The following NGEF variants were observed in gnomAD, a reference collection of about 807,000 sequenced individuals.
NGEF encodes ephexin-1.
NGEF carries 31 observed loss-of-function variants against 80.9 expected under a neutral mutation model. That is an observed-to-expected ratio of 0.38 (90% CI 0.29 to 0.52). The LOEUF is 0.52. Ranked by LOEUF, NGEF falls within the 20% of genes least tolerant of loss-of-function variation. NGEF has a pLI of 0.84. For missense variants in NGEF, 709 were observed against 926.2 expected (o/e 0.77, Z 3.04); for synonymous variants, 371 against 370.2 (o/e 1.00, Z -0.03).
At chr2:232,923,557 G>A (rs1200901131) in intron 4 of NGEF, among the ~76,000 whole-genome samples, 2 of 152,012 alleles carry the variant, frequency 1.3e-5, no homozygotes, top group African/African-American at 4.8e-5. Context: ...GCAACATGGG[G>A]AAATCCTGTC....
At chr2:232,993,167 T>TG (rs1491228507) in intron 1 of NGEF, among the ~76,000 whole-genome samples, 2 of 50,364 alleles carry the variant, frequency 4.0e-5, no homozygotes, top group South Asian at 8.2e-4. Context: ...ATATATATAT[T>TG]ATATATATAA....
intron 5 of NGEF, among the ~76,000 whole-genome samples, chr2:232,917,462 TA>T (rs1692829664): frequency 6.7e-6 from 1 of 149,270 alleles, no homozygotes; most frequent in Non-Finnish European, 1.5e-5. Context: ...TATTTAATTG[TA>T]AAACTTTTCT....
At chr2:232,929,659 T>A (rs1693179441) in intron 3 of NGEF, among the ~76,000 whole-genome samples, 1 of 152,176 alleles carries the variant, frequency 6.6e-6, no homozygotes, top group African/African-American at 2.4e-5. Flanking sequence ...GACCCAGGTA[T>A]CTCCAGGCAG....
chr2:232,953,010 CAA>C (rs1469093847), intron 3 of NGEF, among the ~76,000 whole-genome samples: 7 of 113,220 alleles, frequency 6.2e-5, no homozygotes, highest in African/African-American at 2.3e-4. Context: ...AACAAAAAAG[CAA>C]AGTGATTGGG....
intron 3 of NGEF, among the ~76,000 whole-genome samples, chr2:232,956,113 T>C (rs796878521): frequency 2.9e-4 from 44 of 152,202 alleles, no homozygotes; most frequent in African/African-American, 9.9e-4. Flanking sequence ...TCCTTGTAAA[T>C]ATGAGGTAAT....
intron 3 of NGEF, among the ~76,000 whole-genome samples, chr2:232,929,588 C>T (rs964964631): frequency 2.0e-5 from 3 of 152,170 alleles, no homozygotes; most frequent in African/African-American, 7.2e-5. Context: ...TGAGAATATT[C>T]GAGACAACCA....
In NGEF at chr2:232,974,887, C is replaced by T. The variant is rs1170690124; in HGVS notation, c.4G>A (p.Glu2Lys). 1.9e-6 allele frequency: 3 copies of T among 1,612,706 alleles called. No individual in the cohort carries two copies. The highest frequency in any genetic ancestry group is 2.5e-6 in the Non-Finnish European group (3 of 1,179,686). M[E>K]TRESEDLEKT... ...TCCAAATCTTCAGATTCCCTGGTCT[C>T]CATGGAAATAGAGCCAGATGTTTCT... The change falls in exon 2 of 15, where the codon GAG (glutamate) becomes AAG (lysine). Residue 2 changes from glutamate to lysine, a missense_variant. Glu to Lys is a moderately conservative substitution (Grantham distance 56). This residue lies in a region of NGEF where 283 missense variants were observed against 303.4 expected (regional missense o/e 0.93). Coordinates refer to ENST00000264051, the MANE Select transcript of NGEF (RefSeq NM_019850.3).
intron 5 of NGEF, among the ~76,000 whole-genome samples, chr2:232,906,849 C>G (rs955409472): frequency 2.6e-5 from 4 of 151,786 alleles, no homozygotes; most frequent in African/African-American, 9.7e-5. Flanking sequence ...AAAAATTCTT[C>G]TGCCTTGGGA....
At chr2:232,909,492 G>A (rs192861060) in intron 5 of NGEF, among the ~76,000 whole-genome samples, 2 of 151,970 alleles carry the variant, frequency 1.3e-5, no homozygotes, top group East Asian at 3.9e-4. Context: ...TTTTTTGGAG[G>A]GGGTAACACT....
At position 232,895,198 on chromosome 2, in the gene NGEF, T is replaced by C. The variant is rs886318216; in HGVS notation, c.829-282A>G. ...CACTTACCATACTGACAACTGGAGA[T>C]AGCCTAAGATCCAAAATATGAAACA... On this transcript the variant is annotated intron_variant, in intron 5 of 14. Coordinates refer to ENST00000264051, the MANE Select transcript of NGEF (RefSeq NM_019850.3). Among the ~76,000 whole-genome samples, 25 of 152,106 alleles carry C rather than the reference T, an allele frequency of 1.6e-4. 1 individual carries two copies. Among genetic ancestry groups the C allele is most frequent in the Non-Finnish European group, 1.5e-4 (10 of 68,004 alleles).
At chr2:232,990,109 G>A (rs1694621760) in intron 1 of NGEF, among the ~76,000 whole-genome samples, 1 of 152,106 alleles carries the variant, frequency 6.6e-6, no homozygotes. Context: ...CAGGAAGAAA[G>A]CTAAAGTAAT....
intron 5 of NGEF, 72 bp downstream of exon 5, chr2:232,920,212 A>T: frequency 6.9e-7 from 1 of 1,459,316 alleles, no homozygotes; most frequent in African/African-American, 1.4e-5. Flanking sequence ...CCCCCAGAGG[A>T]AGCCTCACCC....
chr2:232,920,204 C>G (rs1353643303), intron 5 of NGEF, 80 bp downstream of exon 5: 35 of 1,411,794 alleles, frequency 2.5e-5, no homozygotes. Context: ...AACCTCACCC[C>G]CCAGAGGAAG....
intron 3 of NGEF, among the ~76,000 whole-genome samples, chr2:232,960,506 T>C (rs1235158998): frequency 6.6e-6 from 1 of 152,084 alleles, no homozygotes; most frequent in African/African-American, 2.4e-5. Context: ...AGGTCATGGG[T>C]GTGGAGTCAG....
At chr2:232,986,972 G>A (rs768980844) in intron 1 of NGEF, among the ~76,000 whole-genome samples, 7 of 152,140 alleles carry the variant, frequency 4.6e-5, no homozygotes, top group Non-Finnish European at 1.0e-4. Flanking sequence ...ACAGCAGGAA[G>A]CATAAATCAA....
chr2:232,951,825 TGCTCAA>T (rs548394752), intron 3 of NGEF, among the ~76,000 whole-genome samples: 170 of 152,314 alleles, frequency 1.1e-3, no homozygotes, highest in African/African-American at 3.8e-3. Flanking sequence ...CAGAATGACA[TGCTCAA>T]TGGTACTGCT....
chr2:232,882,311 G>T, intron 12 of NGEF, 46 bp from the exon 13 acceptor site: 2 of 1,542,310 alleles, frequency 1.3e-6, no homozygotes, highest in Non-Finnish European at 8.9e-7. Flanking sequence ...ATCAACGGCA[G>T]CCCCCCAACG....
At chr2:232,989,060 TA>T (rs1250577778) in intron 1 of NGEF, among the ~76,000 whole-genome samples, 5 of 152,024 alleles carry the variant, frequency 3.3e-5, no homozygotes, top group Non-Finnish European at 7.4e-5. Flanking sequence ...ATATCTGAAA[TA>T]AGGTTAAATT....
At chr2:232,949,264 A>G (rs980497773) in intron 3 of NGEF, among the ~76,000 whole-genome samples, 3 of 152,186 alleles carry the variant, frequency 2.0e-5, no homozygotes, top group African/African-American at 7.2e-5. Flanking sequence ...CAAAGCCTGG[A>G]TCATAGTGGG....
Sources: allele counts gnomAD v4.1 joint callset (sites outside exome capture counted in the v4.1 genomes callset), GRCh38; gene constraint gnomAD v4.1.1; regional missense constraint gnomAD v4.1.1; transcripts MANE v1.5; gene names NCBI Gene and HGNC (gene_info 2026-07-23, HGNC 2026-07-21).